LDB2: variants seen among roughly 807,000 people sequenced by gnomAD.
LDB2 encodes LIM domain-binding protein 2.
LDB2 carries 12 observed loss-of-function variants against 44.3 expected under a neutral mutation model. The ratio of observed to expected loss-of-function variants is 0.27; its 90% CI spans 0.17 to 0.44. The LOEUF (loss-of-function observed/expected upper bound fraction) is 0.44. Among genes scored for constraint, LDB2 ranks in the 20% least tolerant of loss-of-function variants. The pLI, the probability that LDB2 is intolerant of heterozygous loss-of-function variation, is 1.00. For synonymous variants in LDB2, 164 were observed against 174.8 expected (o/e 0.94, Z 0.49); for missense variants, 344 against 473.5 (o/e 0.73, Z 2.54).
At chr4:16,799,635 A>G (rs1425693627) in intron 1 of LDB2, among the ~76,000 whole-genome samples, 1 of 152,182 alleles carries the variant, frequency 6.6e-6, no homozygotes, top group African/African-American at 2.4e-5. Flanking sequence ...ATGATTGAAC[A>G]AGAACAAAGG....
chr4:16,862,958 A>T (rs1313589666), intron 1 of LDB2, among the ~76,000 whole-genome samples: 3 of 152,134 alleles, frequency 2.0e-5, no homozygotes, highest in African/African-American at 7.2e-5. Context: ...GCGTCCAGCG[A>T]GTCAGAGTCA....
At position 16,859,527 on chromosome 4, in the gene LDB2, A is replaced by C. The variant is rs76313818; in HGVS notation, c.132+38827T>G. 7.9e-3 allele frequency among the ~76,000 whole-genome samples: 1,201 copies of C among 152,310 alleles called. 15 individuals carry two copies. Among genetic ancestry groups the C allele is most frequent in the African/African-American group, 0.027 (1,143 of 41,564 alleles). On this transcript the variant is annotated intron_variant, in intron 1 of 7. Coordinates refer to ENST00000304523, the MANE Select transcript of LDB2 (RefSeq NM_001290.5). The stretch of plus-strand genomic sequence containing the variant: ...AGGAGCAAACCTTCACAACCAAATC[A>C]GCATCTTGAGACCTGCTCTTTGCAT...
At chr4:16,592,469 T>TAC (rs1560572562) in intron 3 of LDB2, among the ~76,000 whole-genome samples, 34 of 63,140 alleles carry the variant, frequency 5.4e-4, no homozygotes, top group African/African-American at 9.8e-4. Context: ...TACATACATA[T>TAC]ATATATATAT....
intron 1 of LDB2, among the ~76,000 whole-genome samples, chr4:16,843,475 A>G (rs1786292093): frequency 6.6e-6 from 1 of 152,242 alleles, no homozygotes. Flanking sequence ...AATGTTAAAT[A>G]TTGAATGCAA....
chr4:16,774,557 G>A (rs534606663), intron 1 of LDB2, among the ~76,000 whole-genome samples: 76 of 152,256 alleles, frequency 5.0e-4, no homozygotes, highest in African/African-American at 1.6e-3. Context: ...GCCAAACAAC[G>A]TGCATTATCT....
At chr4:16,837,891 T>C (rs1440675792) in intron 1 of LDB2, among the ~76,000 whole-genome samples, 1 of 152,252 alleles carries the variant, frequency 6.6e-6, no homozygotes, top group Non-Finnish European at 1.5e-5. Context: ...GCACTTAGCA[T>C]GCTAGCTCAC....
At chr4:16,555,591 G>A (rs1489985606) in intron 5 of LDB2, among the ~76,000 whole-genome samples, 1 of 152,088 alleles carries the variant, frequency 6.6e-6, no homozygotes, top group African/African-American at 2.4e-5. Flanking sequence ...CCCCTGGCCT[G>A]GAATACCCTT....
chr4:16,527,140 G>T (rs562236139), intron 5 of LDB2, among the ~76,000 whole-genome samples: 1 of 152,284 alleles, frequency 6.6e-6, no homozygotes, highest in South Asian at 2.1e-4. Flanking sequence ...GAGAAAGTTA[G>T]ACAGCGAGAT....
intron 1 of LDB2, among the ~76,000 whole-genome samples, chr4:16,787,084 G>GT (rs1348881751): frequency 2.0e-5 from 3 of 152,124 alleles, no homozygotes; most frequent in Non-Finnish European, 4.4e-5. Flanking sequence ...AGTTTGAGAG[G>GT]TTTTTTTGTT....
intron 7 of LDB2, 100 bp downstream of exon 7, chr4:16,508,434 GA>G: frequency 9.5e-7 from 1 of 1,053,754 alleles, no homozygotes; most frequent in Non-Finnish European, 1.3e-6. Context: ...ACCTGCCCAG[GA>G]TTTTTTTTTT....
At chr4:16,736,328 C>A (rs1224253381) in intron 2 of LDB2, among the ~76,000 whole-genome samples, 4 of 152,196 alleles carry the variant, frequency 2.6e-5, no homozygotes, top group African/African-American at 9.7e-5. Flanking sequence ...GGAAATTAGA[C>A]TCAACACACA....
At chr4:16,830,637 A>ATT (rs1332840121) in intron 1 of LDB2, among the ~76,000 whole-genome samples, 2 of 152,224 alleles carry the variant, frequency 1.3e-5, no homozygotes, top group Non-Finnish European at 2.9e-5. Context: ...CATTAAGAGC[A>ATT]AGCATATTCC....
At chr4:16,719,895 G>A (rs578073614) in intron 2 of LDB2, among the ~76,000 whole-genome samples, 2 of 152,202 alleles carry the variant, frequency 1.3e-5, no homozygotes, top group East Asian at 3.9e-4. Context: ...TTTTACAGAT[G>A]AGGAAACTGA....
At chr4:16,666,340 G>A (rs1482567734) in intron 2 of LDB2, among the ~76,000 whole-genome samples, 1 of 152,130 alleles carries the variant, frequency 6.6e-6, no homozygotes, top group Non-Finnish European at 1.5e-5. Context: ...GCTGCCCAAG[G>A]CAGAATCAGA....
Position 16,588,841 on chromosome 4 carries a change from G to C in LDB2, c.409-9C>G. The C allele has an allele frequency of 6.2e-7, 1 of 1,612,280 alleles. No homozygotes were observed. The highest frequency in any genetic ancestry group is 8.5e-7 in the Non-Finnish European group (1 of 1,179,412). ...CTGCCTTCTGTACATACCTGGAAGT[G>C]ACAAACCACACAGTCATTCATTACG... On this transcript the variant is annotated splice_polypyrimidine_tract_variant and intron_variant, in intron 3 of 7. Coordinates refer to ENST00000304523, the MANE Select transcript of LDB2 (RefSeq NM_001290.5).
chr4:16,762,429 G>C (rs1346553914), intron 1 of LDB2, among the ~76,000 whole-genome samples: 3 of 152,144 alleles, frequency 2.0e-5, no homozygotes, highest in Non-Finnish European at 4.4e-5. Flanking sequence ...ACCCAAGACT[G>C]GGTAATTTAT....
chr4:16,800,216 G>T (rs751752953), intron 1 of LDB2, among the ~76,000 whole-genome samples: 5 of 152,188 alleles, frequency 3.3e-5, no homozygotes, highest in African/African-American at 9.6e-5. Context: ...GTCCATCTGG[G>T]TTATCTCCAC....
chr4:16,569,164 C>T (rs184382422), intron 5 of LDB2, among the ~76,000 whole-genome samples: 28 of 152,206 alleles, frequency 1.8e-4, no homozygotes, highest in African/African-American at 6.7e-4. Context: ...GAATCCAAGG[C>T]GAAAGTTGGA....
At chr4:16,887,886 A>G (rs1367472753) in intron 1 of LDB2, among the ~76,000 whole-genome samples, 4 of 152,146 alleles carry the variant, frequency 2.6e-5, no homozygotes, top group South Asian at 2.1e-4. Flanking sequence ...GAATTCTTCA[A>G]ATCAGCATAG....
Sources: allele counts gnomAD v4.1 joint callset (sites outside exome capture counted in the v4.1 genomes callset), GRCh38; gene constraint gnomAD v4.1.1; transcripts MANE v1.5; gene names NCBI Gene and HGNC (gene_info 2026-07-23, HGNC 2026-07-21).